LIN52: variants seen among roughly 807,000 people sequenced by gnomAD.
The protein encoded by LIN52 is protein lin-52 homolog.
A neutral mutation model predicts 18.5 loss-of-function variants in LIN52; 4 were observed. The ratio of observed to expected loss-of-function variants is 0.22; its 90% confidence interval spans 0.11 to 0.49. The LOEUF (loss-of-function observed/expected upper bound fraction) is 0.49. Ranked by LOEUF, LIN52 falls within the 20% of genes least tolerant of loss-of-function variation. The probability of loss-of-function intolerance (pLI) is 0.97; values close to 1 mark genes in which losing one functional copy is unlikely to be tolerated. For missense variants in LIN52, 102 were observed against 139.5 expected, an observed-to-expected ratio of 0.73 and a Z score of 1.35; for synonymous variants, 34 against 45.5, an observed-to-expected ratio of 0.75 and a Z score of 1.02.
chr14:74,109,489 G>A (rs1022041889), intron 5 of LIN52, among the ~76,000 whole-genome samples: 2 of 152,162 alleles, frequency 1.3e-5, no homozygotes, highest in African/African-American at 2.4e-5. Context: ...TTGGTTGGCC[G>A]TAAATGTGAA....
At chr14:74,165,390 C>A (rs2061244140) in intron 5 of LIN52, among the ~76,000 whole-genome samples, 1 of 151,388 alleles carries the variant, frequency 6.6e-6, no homozygotes, top group East Asian at 1.9e-4. Context: ...TTGGTTCATT[C>A]CTAGGAATAC....
intron 5 of LIN52, among the ~76,000 whole-genome samples, chr14:74,177,981 G>A (rs1311893980): frequency 2.0e-5 from 3 of 152,054 alleles, no homozygotes; most frequent in Non-Finnish European, 4.4e-5. Flanking sequence ...GTTTCATCAT[G>A]TTGGCCAGGC....
intron 5 of LIN52, among the ~76,000 whole-genome samples, chr14:74,178,677 C>T (rs1350735841): frequency 6.6e-6 from 1 of 151,744 alleles, no homozygotes. Flanking sequence ...CCAGGCTGGT[C>T]TCAAATTCCT....
At chr14:74,120,215 AT>A in intron 5 of LIN52, among the ~76,000 whole-genome samples, 1 of 152,314 alleles carries the variant, frequency 6.6e-6, no homozygotes, top group South Asian at 2.1e-4. Flanking sequence ...AGTCACATAA[AT>A]TGCAAATATT....
chr14:74,085,854 C>T (rs1193101613), intron 1 of LIN52, among the ~76,000 whole-genome samples: 2 of 151,998 alleles, frequency 1.3e-5, no homozygotes, highest in African/African-American at 2.4e-5. Flanking sequence ...GGTTTCCTTC[C>T]CTTAGACAAA....
chr14:74,187,475 G>A (rs1186175023), intron 5 of LIN52, among the ~76,000 whole-genome samples: 1 of 151,928 alleles, frequency 6.6e-6, no homozygotes, highest in Non-Finnish European at 1.5e-5. Flanking sequence ...TTTATTTTGG[G>A]GATATTTGTT....
chr14:74,161,556 A>C (rs2139565481), intron 5 of LIN52, among the ~76,000 whole-genome samples: 1 of 152,388 alleles, frequency 6.6e-6, no homozygotes, highest in Middle Eastern at 3.4e-3. Flanking sequence ...AAGGAAAAGA[A>C]GAGTCAACGG....
At chr14:74,180,494 G>A (rs2061313850) in intron 5 of LIN52, among the ~76,000 whole-genome samples, 1 of 151,564 alleles carries the variant, frequency 6.6e-6, no homozygotes, top group Non-Finnish European at 1.5e-5. Flanking sequence ...TCCTGACCTC[G>A]TGATCCACTC....
chr14:74,153,062 A>G (rs541993715), intron 5 of LIN52, among the ~76,000 whole-genome samples: 158 of 151,930 alleles, frequency 1.0e-3, no homozygotes, highest in Non-Finnish European at 1.7e-3. Context: ...ATTTATTATT[A>G]TATTTCCCTT....
At chr14:74,106,042 G>T (rs2060895435) in intron 5 of LIN52, among the ~76,000 whole-genome samples, 1 of 152,114 alleles carries the variant, frequency 6.6e-6, no homozygotes, top group African/African-American at 2.4e-5. Flanking sequence ...GATGATTGAG[G>T]CCTCTTGGCT....
intron 5 of LIN52, among the ~76,000 whole-genome samples, chr14:74,168,832 G>A (rs2061259979): frequency 6.6e-6 from 1 of 152,208 alleles, no homozygotes; most frequent in Admixed American, 6.5e-5. Context: ...GGGAGGCTGA[G>A]GCAGTCGGAT....
intron 2 of LIN52, among the ~76,000 whole-genome samples, chr14:74,091,804 A>G (rs975880702): frequency 1.3e-5 from 2 of 149,176 alleles, no homozygotes; most frequent in Non-Finnish European, 3.0e-5. Flanking sequence ...AAAAGTTCTG[A>G]TAACCCATTA....
chr14:74,119,156 CTTTCT>C (rs1437614886), intron 5 of LIN52, among the ~76,000 whole-genome samples: 1 of 126,086 alleles, frequency 7.9e-6, no homozygotes. Flanking sequence ...CATGGATTTT[CTTTCT>C]TTTTTTTTTT....
intron 5 of LIN52, among the ~76,000 whole-genome samples, chr14:74,181,153 A>G (rs1251590420): frequency 6.6e-6 from 1 of 151,386 alleles, no homozygotes; most frequent in Non-Finnish European, 1.5e-5. Context: ...AAAGGAAAGA[A>G]TGGAAGGCCA....
In LIN52 at chr14:74,130,278, G is replaced by GTTTTTTTTTTTGTT. The variant is rs2061055285; in HGVS notation, c.283+29051_283+29052insGTTTTTTTTTTTTT. On this transcript the variant is annotated intron_variant, in intron 5 of 5. Transcript: ENST00000555028. The stretch of plus-strand genomic sequence containing the variant: ...GAATTTATTAGATAGGCATTTTTTG[G>GTTTTTTTTTTTGTT]TTTTTTTTTTTTTTTTTTGAGACAG... Among the ~76,000 whole-genome samples, 122 of 64,798 alleles carry GTTTTTTTTTTTGTT rather than the reference G, an allele frequency of 1.9e-3. 6 individuals are homozygous for GTTTTTTTTTTTGTT. The highest frequency in any genetic ancestry group is 0.017 in the East Asian group (38 of 2,182). 42.5% of individuals were successfully genotyped at this position (64,798 alleles called of 152,430 possible).
At chr14:74,198,046 C>G (rs1333533070) in intron 5 of LIN52, among the ~76,000 whole-genome samples, 2 of 152,200 alleles carry the variant, frequency 1.3e-5, no homozygotes, top group Non-Finnish European at 2.9e-5. Flanking sequence ...AGCCAGCCAT[C>G]AGCGATCAGA....
chr14:74,098,166 A>G (rs901790275), intron 4 of LIN52, among the ~76,000 whole-genome samples: 2 of 152,148 alleles, frequency 1.3e-5, no homozygotes, highest in Non-Finnish European at 2.9e-5. Context: ...TTTAATTCCC[A>G]TAAAGGTCCT....
At chr14:74,093,703 C>G (rs768082702) in intron 2 of LIN52, among the ~76,000 whole-genome samples, 14 of 152,174 alleles carry the variant, frequency 9.2e-5, no homozygotes, top group Admixed American at 2.0e-4. Context: ...TGATGGCTCA[C>G]GCCTGTAATC....
intron 5 of LIN52, among the ~76,000 whole-genome samples, chr14:74,196,165 G>A (rs1414433319): frequency 6.6e-6 from 1 of 152,162 alleles, no homozygotes; most frequent in Non-Finnish European, 1.5e-5. Context: ...CTTGGATTAG[G>A]TTGAAGGGGG....
Sources: gnomAD v4.1 joint callset for allele counts (sites outside exome capture counted in the v4.1 genomes callset) on GRCh38, gnomAD v4.1.1 for gene constraint, MANE v1.5 for transcripts, NCBI Gene and HGNC (gene_info 2026-07-23, HGNC 2026-07-21) for gene names.